Variants in PHACTR1 observed in about 807,000 individuals in gnomAD.
PHACTR1 encodes phosphatase and actin regulator 1, also known as RPEL repeat containing 1.
In PHACTR1, 16 loss-of-function variants were observed where a neutral mutation model predicts 69.2. The observed-to-expected ratio is 0.23, with a 90% CI of 0.16 to 0.35. The LOEUF (loss-of-function observed/expected upper bound fraction) is 0.35. Ranked by LOEUF, PHACTR1 falls within the 10% of genes least tolerant of loss-of-function variation. The pLI is 1.00. For synonymous variants in PHACTR1, 312 were observed against 284.5 expected (o/e 1.10, Z -0.97); for missense variants, 510 against 734.7 (o/e 0.69, Z 3.54).
At chr6:13,241,602 G>A (rs373791082) in intron 10 of PHACTR1, among the ~76,000 whole-genome samples, 7 of 152,226 alleles carry the variant, frequency 4.6e-5, no homozygotes, top group East Asian at 1.9e-4. Flanking sequence ...TCTGTAAAAC[G>A]GACCTCCCAC....
chr6:13,011,076 C>G (rs1799400664), intron 4 of PHACTR1, among the ~76,000 whole-genome samples: 1 of 152,208 alleles, frequency 6.6e-6, no homozygotes, highest in African/African-American at 2.4e-5. Context: ...AGAGATGGCA[C>G]TTCTTAGCTT....
chr6:12,908,463 C>T (rs188470486), intron 4 of PHACTR1, among the ~76,000 whole-genome samples: 2 of 150,460 alleles, frequency 1.3e-5, no homozygotes, highest in Admixed American at 1.3e-4. Flanking sequence ...CCAGTGCATA[C>T]GTGGAAAGAA....
At chr6:12,945,345 T>A (rs1470330510) in intron 4 of PHACTR1, among the ~76,000 whole-genome samples, 3 of 152,238 alleles carry the variant, frequency 2.0e-5, no homozygotes. Flanking sequence ...TTATTGCATG[T>A]TTACTTATCC....
intron 5 of PHACTR1, among the ~76,000 whole-genome samples, chr6:13,134,171 C>G (rs945311603): frequency 8.5e-4 from 128 of 151,024 alleles, no homozygotes; most frequent in African/African-American, 3.1e-3. Flanking sequence ...GGGGGCAGCC[C>G]CCGCCCGGCC....
chr6:12,830,818 A>G (rs1042061062), intron 4 of PHACTR1, among the ~76,000 whole-genome samples: 10 of 151,128 alleles, frequency 6.6e-5, no homozygotes, highest in African/African-American at 2.4e-4. Context: ...CTGGTCTCGA[A>G]CTCCCAACCT....
intron 5 of PHACTR1, among the ~76,000 whole-genome samples, chr6:13,140,104 A>C (rs956481943): frequency 2.0e-5 from 3 of 152,222 alleles, no homozygotes; most frequent in African/African-American, 7.2e-5. Context: ...TGATCACTTC[A>C]TATCCCTAGG....
At chr6:13,187,469 G>T (rs1015115025) in intron 7 of PHACTR1, among the ~76,000 whole-genome samples, 2 of 152,180 alleles carry the variant, frequency 1.3e-5, no homozygotes, top group African/African-American at 2.4e-5. Flanking sequence ...CTGAGTAGGG[G>T]TGGAAGCTTC....
chr6:13,113,089 T>A (rs1304049217), intron 5 of PHACTR1, among the ~76,000 whole-genome samples: 1 of 152,150 alleles, frequency 6.6e-6, no homozygotes, highest in Non-Finnish European at 1.5e-5. Context: ...GTCATCTGCA[T>A]ATGAAGTGCC....
chr6:13,032,285 G>A (rs1802553893), intron 4 of PHACTR1, among the ~76,000 whole-genome samples: 1 of 152,096 alleles, frequency 6.6e-6, no homozygotes, highest in Non-Finnish European at 1.5e-5. Context: ...ATCCTAAAAC[G>A]TTAAGTTCAG....
intron 4 of PHACTR1, among the ~76,000 whole-genome samples, chr6:12,977,076 C>T (rs1032181654): frequency 6.6e-6 from 1 of 152,114 alleles, no homozygotes; most frequent in African/African-American, 2.4e-5. Context: ...AGCTATTCTC[C>T]TGCCTCGGCC....
At chr6:13,155,721 C>G (rs2113493798) in intron 5 of PHACTR1, among the ~76,000 whole-genome samples, 1 of 152,208 alleles carries the variant, frequency 6.6e-6, no homozygotes, top group African/African-American at 2.4e-5. Context: ...AACCCCGTCT[C>G]TACTAAAAAT....
At chr6:12,748,181 G>T (rs939738282) in intron 3 of PHACTR1, among the ~76,000 whole-genome samples, 1 of 152,166 alleles carries the variant, frequency 6.6e-6, no homozygotes, top group Non-Finnish European at 1.5e-5. Context: ...GAAACATTAT[G>T]GTACAGATAG....
chr6:13,005,209 A>G (rs1357749459), intron 4 of PHACTR1, among the ~76,000 whole-genome samples: 7 of 145,716 alleles, frequency 4.8e-5, no homozygotes, highest in Non-Finnish European at 1.0e-4. Flanking sequence ...TTTTTTTTTT[A>G]GACAAGTTCT....
intron 5 of PHACTR1, among the ~76,000 whole-genome samples, chr6:13,105,726 A>T (rs1816021297): frequency 6.6e-6 from 1 of 152,216 alleles, no homozygotes; most frequent in Non-Finnish European, 1.5e-5. Context: ...TCAGGGAAGC[A>T]CTTACACCTA....
chr6:13,252,921 T>C, intron 10 of PHACTR1: 1 of 325,374 alleles, frequency 3.1e-6, no homozygotes, highest in Admixed American at 3.0e-5. Context: ...GCATCTGAGA[T>C]TCCTTGGGGT....
At chr6:13,154,483 A>G (rs913127840) in intron 5 of PHACTR1, among the ~76,000 whole-genome samples, 3 of 152,132 alleles carry the variant, frequency 2.0e-5, no homozygotes, top group African/African-American at 7.2e-5. Flanking sequence ...TAACTGTATA[A>G]TATCAGAGTG....
chr6:12,935,049 C>T (rs1789285956), intron 4 of PHACTR1, among the ~76,000 whole-genome samples: 1 of 152,084 alleles, frequency 6.6e-6, no homozygotes, highest in Non-Finnish European at 1.5e-5. Flanking sequence ...GCACTTTCTT[C>T]ATATGGTTGC....
chr6:13,177,435 G>GTATA (rs199707744), intron 6 of PHACTR1, among the ~76,000 whole-genome samples: 3 of 147,278 alleles, frequency 2.0e-5, no homozygotes, highest in African/African-American at 7.5e-5. Flanking sequence ...GTATGTATGT[G>GTATA]TATATATGTG....
At chr6:12,749,033 C>A (rs907300744) in intron 3 of PHACTR1, among the ~76,000 whole-genome samples, 4 of 152,204 alleles carry the variant, frequency 2.6e-5, no homozygotes, top group Non-Finnish European at 5.9e-5. Flanking sequence ...GTAGAGAGGG[C>A]TGGGCTGGGC....
Sources: gnomAD v4.1 joint callset for allele counts (sites outside exome capture counted in the v4.1 genomes callset) on GRCh38, gnomAD v4.1.1 for gene constraint, MANE v1.5 for transcripts, NCBI Gene and HGNC (gene_info 2026-07-23, HGNC 2026-07-21) for gene names.